Variants in TMEM236 observed in about 807,000 individuals in gnomAD.
The protein encoded by TMEM236 is family with sequence similarity 23, member A.
TMEM236 carries 11 observed loss-of-function variants against 14.7 expected under a neutral mutation model. The observed-to-expected ratio is 0.75, with a 90% CI of 0.47 to 1.24. The LOEUF is 1.24. Among genes scored for constraint, TMEM236 ranks in the 50% most tolerant of loss-of-function variants. The probability of loss-of-function intolerance (pLI) is 0.00; values close to 1 mark genes in which losing one functional copy is unlikely to be tolerated. For synonymous variants in TMEM236, 182 were observed against 168.6 expected (o/e 1.08, Z -0.62); for missense variants, 464 against 427.3 (o/e 1.09, Z -0.76).
chr10:17,767,913 C>CTTTT (rs878872584), intron 1 of TMEM236, among the ~76,000 whole-genome samples: 2 of 140,444 alleles, frequency 1.4e-5, no homozygotes, highest in Non-Finnish European at 1.5e-5. Flanking sequence ...TACTCCCCAT[C>CTTTT]TTTTTTTTTT....
At position 17,798,501 on chromosome 10, in the gene TMEM236, T is replaced by A. The variant is rs1176735046; in HGVS notation, c.*1997T>A. The A allele has an allele frequency of 1.3e-5, 7 of 526,602 alleles. No homozygotes were observed. The highest frequency in any genetic ancestry group is 2.3e-5 in the Non-Finnish European group (6 of 256,824). 32.6% of individuals were successfully genotyped at this position (526,602 alleles called of 1,614,324 possible). A position where few individuals can be genotyped will look rare whatever the true frequency, so the allele number is the denominator to read the frequency against. On this transcript the variant is annotated 3_prime_UTR_variant, in exon 4 of 4. Coordinates refer to ENST00000377495, the MANE Select transcript of TMEM236 (RefSeq NM_001098844.3). ...CTACAGTGAGCTATGATCATGCCAC[T>A]GCACTCCAGACTGGGCAACAGAGTG...
intron 1 of TMEM236, among the ~76,000 whole-genome samples, chr10:17,758,100 A>T (rs1034504808): frequency 6.6e-6 from 1 of 152,238 alleles, no homozygotes; most frequent in East Asian, 1.9e-4. Context: ...TGTCATTAAC[A>T]TAATTTCACC....
intron 1 of TMEM236, among the ~76,000 whole-genome samples, chr10:17,758,367 G>A (rs1157975655): frequency 6.6e-6 from 1 of 152,210 alleles, no homozygotes; most frequent in Admixed American, 6.5e-5. Flanking sequence ...TGTGAGGCTG[G>A]TCTTCAGGAG....
At chr10:17,784,424 G>A (rs1394166968) in intron 3 of TMEM236, among the ~76,000 whole-genome samples, 4 of 152,122 alleles carry the variant, frequency 2.6e-5, no homozygotes, top group Non-Finnish European at 5.9e-5. Context: ...AGCTGCCCCA[G>A]ATGAACTGAA....
chr10:17,760,261 A>AT (rs1220610262), intron 1 of TMEM236, among the ~76,000 whole-genome samples: 2 of 151,554 alleles, frequency 1.3e-5, no homozygotes, highest in African/African-American at 4.8e-5. Context: ...CATGTTTAAC[A>AT]TTTTCTCATA....
chr10:17,795,316 G>A (rs1441293196), intron 3 of TMEM236, among the ~76,000 whole-genome samples: 1 of 152,182 alleles, frequency 6.6e-6, no homozygotes, highest in African/African-American at 2.4e-5. Context: ...GTGAATTGCA[G>A]CTCTGCCCAA....
chr10:17,790,712 C>T (rs1837912031), intron 3 of TMEM236, among the ~76,000 whole-genome samples: 3 of 152,256 alleles, frequency 2.0e-5, no homozygotes, highest in African/African-American at 7.2e-5. Flanking sequence ...TAATTTTCTT[C>T]TGCTCCATAT....
At position 17,796,175 on chromosome 10, in the gene TMEM236, C is replaced by G. The variant is rs1838011290; in HGVS notation, c.727C>G (p.Leu243Val). 5 of 1,613,950 alleles carry G rather than the reference C, an allele frequency of 3.1e-6. No homozygotes were observed. The Admixed American group carries it at 8.3e-5, about 27-fold the overall frequency. The change falls in exon 4 of 4, where the codon CTC (leucine) becomes GTC (valine). Residue 243 changes from leucine to valine, a missense_variant. Transcript: ENST00000377495. Reference sequence around the variant, plus strand: ...GGCAGAGTTATTCTTATGGAGCTTTCTCCTGTGGTCTGACACGATAGAAAT... The same window carrying G: ...GGCAGAGTTATTCTTATGGAGCTTTGTCCTGTGGTCTGACACGATAGAAAT... The part of the protein sequence containing the change: ...VRAELFLWSF[L>V]LWSDTIEMVR...
chr10:17,759,414 C>G (rs1000600085), intron 1 of TMEM236, among the ~76,000 whole-genome samples: 37 of 152,252 alleles, frequency 2.4e-4, no homozygotes, highest in Non-Finnish European at 5.0e-4. Context: ...TTAATTCAGA[C>G]TATGAACACG....
chr10:17,767,263 C>T (rs2131746016), intron 1 of TMEM236, among the ~76,000 whole-genome samples: 1 of 152,030 alleles, frequency 6.6e-6, no homozygotes, highest in Non-Finnish European at 1.5e-5. Flanking sequence ...GAGTTCCAGA[C>T]CAGCCTGACC....
chr10:17,784,401 C>T (rs1204534765), intron 3 of TMEM236, among the ~76,000 whole-genome samples: 3 of 152,168 alleles, frequency 2.0e-5, no homozygotes, highest in African/African-American at 4.8e-5. Flanking sequence ...TTAAAAATAT[C>T]AGTGCCAAGC....
At chr10:17,782,214 G>A (rs1554835474) in intron 3 of TMEM236, among the ~76,000 whole-genome samples, 1 of 152,146 alleles carries the variant, frequency 6.6e-6, no homozygotes. Flanking sequence ...AACATGCCAT[G>A]TTGAATTTTT....
Position 17,774,031 on chromosome 10 carries a change from TTG to T in TMEM236, c.331-1996_331-1995del, listed in dbSNP as rs1385406564. Among the ~76,000 whole-genome samples the T allele has an allele frequency of 2.2e-4, 22 of 101,090 alleles. No individual in the cohort carries two copies. The South Asian group carries it at 4.8e-3, about 22-fold the overall frequency. The allele number at this position is 101,090 out of a possible 152,430, so 66.3% of individuals were successfully genotyped here. On this transcript the variant is annotated intron_variant, in intron 2 of 3. Coordinates refer to ENST00000377495, the MANE Select transcript of TMEM236 (RefSeq NM_001098844.3). ...TAAAATCTTTCATATATATATATTT[TTG>T]TTTGTTTGTTTGTTTGTTTGTTTGT...
Position 17,797,985 on chromosome 10 carries a change from A to G in TMEM236, c.*1481A>G, listed in dbSNP as rs1201890327. 16 of 152,324 alleles carry G rather than the reference A, an allele frequency of 1.1e-4. No homozygotes were observed. The highest frequency in any genetic ancestry group is 3.9e-4 in the African/African-American group (16 of 41,470). The allele number at this position is 152,324 out of a possible 1,614,324, so 9.4% of individuals were successfully genotyped here. On this transcript the variant is annotated 3_prime_UTR_variant, in exon 4 of 4. Coordinates refer to ENST00000377495, the MANE Select transcript of TMEM236 (RefSeq NM_001098844.3). ...GGCTTACAAATATAATAGCCAATGT[A>G]TCAGTGTCTTATGTGATACTATATC...
intron 1 of TMEM236, among the ~76,000 whole-genome samples, chr10:17,763,573 A>G (rs890997678): frequency 6.6e-6 from 1 of 152,142 alleles, no homozygotes; most frequent in Admixed American, 6.5e-5. Flanking sequence ...CATGTGGTTT[A>G]TGGACTCAGG....
chr10:17,752,836 G>A (rs898455071), intron 1 of TMEM236, among the ~76,000 whole-genome samples: 19 of 152,168 alleles, frequency 1.2e-4, no homozygotes, highest in Non-Finnish European at 2.8e-4. Context: ...CAAAGTACTA[G>A]GATTACAGGC....
chr10:17,769,267 C>T (rs1255746834), intron 1 of TMEM236, among the ~76,000 whole-genome samples: 4 of 152,202 alleles, frequency 2.6e-5, no homozygotes, highest in African/African-American at 9.6e-5. Flanking sequence ...TGGACTTTGG[C>T]AGTAAATCAG....
chr10:17,760,217 C>G (rs1269321246), intron 1 of TMEM236, among the ~76,000 whole-genome samples: 1 of 152,272 alleles, frequency 6.6e-6, no homozygotes, highest in East Asian at 1.9e-4. Context: ...CTTCTCAGAA[C>G]ACTCCAGTTT....
At chr10:17,754,291 T>C (rs1057225764) in intron 1 of TMEM236, among the ~76,000 whole-genome samples, 3 of 152,224 alleles carry the variant, frequency 2.0e-5, no homozygotes, top group Non-Finnish European at 4.4e-5. Context: ...CTACGACTTT[T>C]AAAACAACTG....
Sources: gnomAD v4.1 joint callset for allele counts (sites outside exome capture counted in the v4.1 genomes callset) on GRCh38, gnomAD v4.1.1 for gene constraint, MANE v1.5 for transcripts, NCBI Gene and HGNC (gene_info 2026-07-23, HGNC 2026-07-21) for gene names.